TFEC: variants seen among roughly 807,000 people sequenced by gnomAD.
TFEC encodes the protein transcription factor EC.
Under a neutral mutation model 41.6 loss-of-function variants are expected in TFEC, and 31 were observed. The ratio of observed to expected loss-of-function variants is 0.74; its 90% CI spans 0.56 to 1.01. The LOEUF (loss-of-function observed/expected upper bound fraction) is 1.01. Ranked by LOEUF, TFEC falls within the 50% of genes least tolerant of loss-of-function variation. The pLI, the probability that TFEC is intolerant of heterozygous loss-of-function variation, is 0.00. For missense variants in TFEC, 402 were observed against 404.1 expected (o/e 0.99, Z 0.04); for synonymous variants, 143 against 140.6 (o/e 1.02, Z -0.12).
rs183281072 is a variant in TFEC, at chr7:116,144,117, C to T, written c.-69+15673G>A. Among the ~76,000 whole-genome samples the T allele has an allele frequency of 3.3e-5, 5 of 152,020 alleles. No individual in the cohort carries two copies. The East Asian group carries it at 9.7e-4, about 29-fold the overall frequency. Reference sequence around the variant, plus strand: ...CCTGTAATCCCAGCTACTCAGGAGGCTGAGGCAGGAGAATCGCTTGAACCC... The same window carrying T: ...CCTGTAATCCCAGCTACTCAGGAGGTTGAGGCAGGAGAATCGCTTGAACCC... On this transcript the variant is annotated intron_variant, in intron 1 of 8. Transcript: ENST00000484212.
intron 1 of TFEC, among the ~76,000 whole-genome samples, chr7:116,014,552 T>A (rs983324760): frequency 1.2e-4 from 18 of 152,236 alleles, no homozygotes; most frequent in African/African-American, 4.3e-4. Context: ...TGAAAGTATA[T>A]TTGTTTTAGC....
intron 3 of TFEC, among the ~76,000 whole-genome samples, chr7:115,971,020 A>C (rs1033054362): frequency 3.3e-5 from 5 of 152,020 alleles, no homozygotes; most frequent in African/African-American, 1.2e-4. Context: ...TTATTGGTAA[A>C]TATTCTCATT....
intron 2 of TFEC, among the ~76,000 whole-genome samples, chr7:115,979,486 G>T (rs1793528862): frequency 6.6e-6 from 1 of 151,992 alleles, no homozygotes; most frequent in Non-Finnish European, 1.5e-5. Context: ...CTCCTATATG[G>T]TATAGATTAT....
At chr7:116,154,994 C>G (rs1374150244) in intron 1 of TFEC, among the ~76,000 whole-genome samples, 1 of 152,174 alleles carries the variant, frequency 6.6e-6, no homozygotes, top group Non-Finnish European at 1.5e-5. Flanking sequence ...GTGGTTCTAG[C>G]CCCTGCTATG....
At chr7:116,112,859 AT>A (rs1249993874) in intron 1 of TFEC, among the ~76,000 whole-genome samples, 1 of 152,022 alleles carries the variant, frequency 6.6e-6, no homozygotes, top group African/African-American at 2.4e-5. Context: ...CAAGAAAAGT[AT>A]TTGAGGAACC....
chr7:116,006,261 C>T (rs891708622), intron 1 of TFEC, among the ~76,000 whole-genome samples: 5 of 152,124 alleles, frequency 3.3e-5, no homozygotes, highest in African/African-American at 1.2e-4. Flanking sequence ...CAGCTTGCAC[C>T]ATGCACCTGG....
chr7:116,023,083 CAA>C (rs10714429), intron 1 of TFEC, among the ~76,000 whole-genome samples: 82 of 134,930 alleles, frequency 6.1e-4, no homozygotes, highest in Admixed American at 7.6e-4. Flanking sequence ...GTTCTTCCAG[CAA>C]AAAAAAAAAA....
chr7:115,978,081 A>G (rs1025479563), intron 2 of TFEC, among the ~76,000 whole-genome samples: 2 of 152,124 alleles, frequency 1.3e-5, no homozygotes, highest in Non-Finnish European at 2.9e-5. Flanking sequence ...AATATAAATG[A>G]GTTAACATAC....
Position 115,941,888 on chromosome 7 carries a change from A to G in TFEC, c.663+5T>C. ...TGTGACTCATGGCTACATTCTTATA[A>G]AAACCTGAATCCGAAGTAGAAGTCG... On this transcript the variant is annotated splice_donor_5th_base_variant and intron_variant, in intron 7 of 7. Transcript: ENST00000265440. 1 of 1,612,978 alleles carries G rather than the reference A, an allele frequency of 6.2e-7. No homozygotes were observed. Among genetic ancestry groups the G allele is most frequent in the Non-Finnish European group, 8.5e-7 (1 of 1,179,346 alleles).
intron 1 of TFEC, among the ~76,000 whole-genome samples, chr7:116,134,902 C>T (rs1307387015): frequency 1.3e-5 from 2 of 152,156 alleles, no homozygotes; most frequent in African/African-American, 2.4e-5. Flanking sequence ...ACCTCTTCAG[C>T]TCCTGCTCAA....
chr7:116,007,354 A>T (rs1030730856), intron 1 of TFEC, among the ~76,000 whole-genome samples: 3 of 152,178 alleles, frequency 2.0e-5, no homozygotes, highest in Non-Finnish European at 4.4e-5. Flanking sequence ...AACTCTACAA[A>T]TCACCAAAGA....
chr7:115,945,299 T>A (rs763967880), intron 6 of TFEC, among the ~76,000 whole-genome samples: 1 of 151,628 alleles, frequency 6.6e-6, no homozygotes, highest in Non-Finnish European at 1.5e-5. Context: ...TTTTAGATTA[T>A]CCCTAATAAC....
rs1160114562 is a variant in TFEC at position 115,944,013 on chromosome 7, A to ATTTTTTTT, written c.516-1981_516-1974dup. On this transcript the variant is annotated intron_variant, in intron 6 of 7. Transcript: ENST00000265440. ...GAAAATAATACTATGACAGGTCTGA[A>ATTTTTTTT]TTTTTTTTTTTTTTTTTTTTTTTTT... Among the ~76,000 whole-genome samples the ATTTTTTTT allele has an allele frequency of 1.8e-3, 41 of 22,830 alleles. 5 individuals are homozygous for ATTTTTTTT. Among genetic ancestry groups the ATTTTTTTT allele is most frequent in the East Asian group, 7.1e-3 (8 of 1,120 alleles). 15.0% of individuals were successfully genotyped at this position (22,830 alleles called of 152,430 possible). A position where few individuals can be genotyped will look rare whatever the true frequency, so the allele number is the denominator to read the frequency against.
chr7:116,017,841 G>A (rs1280925290), intron 1 of TFEC, among the ~76,000 whole-genome samples: 3 of 151,916 alleles, frequency 2.0e-5, no homozygotes, highest in East Asian at 1.9e-4. Flanking sequence ...ATATATTTTT[G>A]TTTCTGAACT....
At chr7:115,979,936 AAACTT>A (rs1793551761) in intron 2 of TFEC, among the ~76,000 whole-genome samples, 2 of 152,192 alleles carry the variant, frequency 1.3e-5, no homozygotes, top group African/African-American at 4.8e-5. Context: ...ATGTAGCATG[AAACTT>A]AACCTCAATT....
intron 1 of TFEC, among the ~76,000 whole-genome samples, chr7:116,013,536 A>G (rs945903851): frequency 6.6e-6 from 1 of 152,142 alleles, no homozygotes; most frequent in African/African-American, 2.4e-5. Context: ...CATTCCAGTG[A>G]CTTAACTTGT....
chr7:116,079,961 T>C (rs1797049893), intron 3 of TFEC, among the ~76,000 whole-genome samples: 1 of 152,014 alleles, frequency 6.6e-6, no homozygotes, highest in Non-Finnish European at 1.5e-5. Context: ...CAAAACAGCA[T>C]GGTACTGGTT....
chr7:116,063,925 G>A (rs182489864), intron 3 of TFEC, among the ~76,000 whole-genome samples: 42 of 152,040 alleles, frequency 2.8e-4, no homozygotes, highest in African/African-American at 9.6e-5. Flanking sequence ...ATATTTCTTC[G>A]ACTTAATGAT....
At chr7:116,025,213 A>G (rs1032510914) in intron 1 of TFEC, among the ~76,000 whole-genome samples, 90 of 152,278 alleles carry the variant, frequency 5.9e-4, no homozygotes, top group African/African-American at 2.0e-3. Flanking sequence ...TTTTGTTCTA[A>G]AAAGCTCTGT....
Sources: gnomAD v4.1 joint callset for allele counts (sites outside exome capture counted in the v4.1 genomes callset) on GRCh38, gnomAD v4.1.1 for gene constraint, MANE v1.5 for transcripts, NCBI Gene and HGNC (gene_info 2026-07-23, HGNC 2026-07-21) for gene names.